Variants in ARPC2 observed in about 807,000 individuals in gnomAD.
ARPC2 encodes the protein actin-related protein 2/3 complex subunit 2.
In ARPC2, 4 loss-of-function variants were observed where a neutral mutation model predicts 38.6. The ratio of observed to expected loss-of-function variants is 0.10; its 90% CI spans 0.05 to 0.24. The LOEUF is 0.24. Ranked by LOEUF, ARPC2 falls within the 10% of genes least tolerant of loss-of-function variation. The pLI is 1.00. For missense variants in ARPC2, 229 were observed against 387.3 expected (o/e 0.59, Z 3.43); for synonymous variants, 125 against 140.8 (o/e 0.89, Z 0.79).
intron 10 of ARPC2, among the ~76,000 whole-genome samples, chr2:218,253,272 T>G (rs1422736169): frequency 6.6e-6 from 1 of 152,224 alleles, no homozygotes; most frequent in East Asian, 1.9e-4. Context: ...TAGGTACCAG[T>G]TAGAGGCTCT....
chr2:218,223,957 G>T (rs577083186), intron 2 of ARPC2, among the ~76,000 whole-genome samples: 2 of 152,148 alleles, frequency 1.3e-5, no homozygotes, highest in African/African-American at 4.8e-5. Context: ...CAAACTCATC[G>T]TTAAGGCACT....
At chr2:218,244,914 T>C (rs192980816) in intron 7 of ARPC2, among the ~76,000 whole-genome samples, 2 of 152,366 alleles carry the variant, frequency 1.3e-5, no homozygotes, top group African/African-American at 4.8e-5. Flanking sequence ...TACATAGGAA[T>C]GTATGGACTG....
At chr2:218,236,683 C>T (rs1962723) in intron 5 of ARPC2, 146,618 of 152,304 alleles carry the variant, frequency 0.96, 70,794 homozygotes, top group East Asian at 1. Context: ...TCCCAGCTGC[C>T]TAGGAGGCTG....
intron 8 of ARPC2, among the ~76,000 whole-genome samples, chr2:218,248,752 G>A (rs536081842): frequency 1.3e-5 from 2 of 152,194 alleles, no homozygotes; most frequent in Non-Finnish European, 2.9e-5. Context: ...GTGAGCCATC[G>A]CGCCCAGCCT....
intron 8 of ARPC2, among the ~76,000 whole-genome samples, chr2:218,246,251 G>A (rs929008301): frequency 1.3e-5 from 2 of 151,332 alleles, no homozygotes; most frequent in Non-Finnish European, 2.9e-5. Context: ...GGCTGGGTGC[G>A]GTGTCTCACG....
At chr2:218,250,048 G>A in intron 10 of ARPC2, 127 bp downstream of exon 10, 2 of 746,828 alleles carry the variant, frequency 2.7e-6, no homozygotes, top group African/African-American at 1.8e-5. Flanking sequence ...GCAGGGCTAA[G>A]TAGATAAACC....
At chr2:218,228,269 G>A (rs1689551804) in intron 3 of ARPC2, among the ~76,000 whole-genome samples, 1 of 152,048 alleles carries the variant, frequency 6.6e-6, no homozygotes, top group South Asian at 2.1e-4. Context: ...TGGGTGTGGT[G>A]GCACATGCCT....
At chr2:218,217,337 T>C (rs1574570932) in intron 1 of ARPC2, 83 bp downstream of exon 1, 3 of 660,034 alleles carry the variant, frequency 4.5e-6, no homozygotes, top group Non-Finnish European at 2.7e-6. Flanking sequence ...CCCCGGCCCC[T>C]CTCCCCTTCT....
rs571651365 is a variant in ARPC2 at position 218,248,582 on chromosome 2, T to C, written c.677-782T>C. Among the ~76,000 whole-genome samples, 4 of 152,320 alleles carry C rather than the reference T, an allele frequency of 2.6e-5. No individual in the cohort carries two copies. In the South Asian group the frequency reaches 6.2e-4, roughly 24 times the overall value. ...TTTAAGCGATTCTCCTGCCTCAGCCTCCTAAGTAGCTGAGATTACAGGCAC... is the reference window on the plus strand; with the variant it reads ...TTTAAGCGATTCTCCTGCCTCAGCCCCCTAAGTAGCTGAGATTACAGGCAC... On this transcript the variant is annotated intron_variant, in intron 8 of 10. Coordinates refer to ENST00000315717, the MANE Select transcript of ARPC2 (RefSeq NM_152862.3).
chr2:218,244,748 T>G (rs1276863717), intron 7 of ARPC2, among the ~76,000 whole-genome samples: 1 of 152,244 alleles, frequency 6.6e-6, no homozygotes, highest in Non-Finnish European at 1.5e-5. Flanking sequence ...ACAAGAGACC[T>G]TGGAGAGTCC....
intron 3 of ARPC2, 49 bp from the exon 4 acceptor site, chr2:218,228,689 T>G (rs760546578): frequency 1.7e-6 from 2 of 1,211,232 alleles, no homozygotes; most frequent in African/African-American, 3.0e-5. Context: ...TTGGAGAGAT[T>G]ATTTCCCATT....
chr2:218,234,308 C>T (rs1689716048), intron 4 of ARPC2, 44 bp from the exon 5 acceptor site: 1 of 1,446,320 alleles, frequency 6.9e-7, no homozygotes, highest in Non-Finnish European at 9.6e-7. Flanking sequence ...TTATCATGGC[C>T]TTTGGATTAA....
intron 7 of ARPC2, 109 bp downstream of exon 7, chr2:218,239,593 A>ATTTT: frequency 3.2e-6 from 2 of 624,982 alleles, no homozygotes; most frequent in East Asian, 3.2e-5. Context: ...TGATGTTAGA[A>ATTTT]TTTTTTTTTT....
intron 5 of ARPC2, chr2:218,235,917 C>G (rs1189818157): frequency 1.4e-5 from 2 of 146,174 alleles, no homozygotes; most frequent in Non-Finnish European, 3.1e-5. Context: ...AATGAGATAC[C>G]TGTCTCTATA....
At chr2:218,227,138 C>T (rs897847982) in intron 3 of ARPC2, 39 of 402,044 alleles carry the variant, frequency 9.7e-5, no homozygotes, top group Non-Finnish European at 1.8e-4. Context: ...ACTGGCATTG[C>T]CAGATATCCC....
Position 218,230,287 on chromosome 2 carries a change from C to CTTTTTTTTTTTTTTTT in ARPC2, c.222+1446_222+1461dup, listed in dbSNP as rs768585570. On this transcript the variant is annotated intron_variant, in intron 4 of 10. Coordinates refer to ENST00000315717, the MANE Select transcript of ARPC2 (RefSeq NM_152862.3). Reference sequence around the variant, plus strand: ...GTGCCCAGCCTTTTCTTTTTTTTTTCTTTTTTTTTTTTTTTTTTTTTTTTG... The same window carrying CTTTTTTTTTTTTTTTT: ...GTGCCCAGCCTTTTCTTTTTTTTTTCTTTTTTTTTTTTTTTTTTTTTTTTTTTTTTTTTTTTTTTTG... Among the ~76,000 whole-genome samples the CTTTTTTTTTTTTTTTT allele has an allele frequency of 8.1e-3, 594 of 73,030 alleles. 2 individuals are homozygous for CTTTTTTTTTTTTTTTT. Among genetic ancestry groups the CTTTTTTTTTTTTTTTT allele is most frequent in the Non-Finnish European group, 0.011 (461 of 41,354 alleles). 47.9% of individuals were successfully genotyped at this position (73,030 alleles called of 152,430 possible).
chr2:218,253,817 T>C, intron 10 of ARPC2, 74 bp from the exon 11 acceptor site: 2 of 1,527,940 alleles, frequency 1.3e-6, no homozygotes, highest in East Asian at 2.3e-5. Context: ...TGGGATCCCA[T>C]CTAGTCTAGG....
At chr2:218,235,296 C>G (rs1465998334) in intron 5 of ARPC2, 1 of 159,046 alleles carries the variant, frequency 6.3e-6, no homozygotes, top group East Asian at 1.9e-4. Flanking sequence ...CCGCTTTAGC[C>G]TCTCCGGTAG....
chr2:218,238,638 G>GTTTT, intron 5 of ARPC2, 26 bp from the exon 6 acceptor site: 17 of 761,536 alleles, frequency 2.2e-5, no homozygotes, highest in Admixed American at 7.8e-5. Flanking sequence ...GTTGTTTTTT[G>GTTTT]TTTCTTGTTT....
Sources: gnomAD v4.1 joint callset for allele counts (sites outside exome capture counted in the v4.1 genomes callset) on GRCh38, gnomAD v4.1.1 for gene constraint, MANE v1.5 for transcripts, NCBI Gene and HGNC (gene_info 2026-07-23, HGNC 2026-07-21) for gene names.